Variants in PVT1 observed in about 807,000 individuals in gnomAD.
PVT1 encodes CXCR4/PVT1 fusion.
intron 3 of PVT1, among the ~76,000 whole-genome samples, chr8:127,956,893 A>G (rs1050656814): frequency 7.9e-5 from 12 of 152,018 alleles, no homozygotes; most frequent in African/African-American, 2.7e-4. Context: ...TTATTTTTTC[A>G]TTTTTATTTT....
chr8:127,851,108 A>C (rs1389412910), intron 2 of PVT1, among the ~76,000 whole-genome samples: 4 of 152,232 alleles, frequency 2.6e-5, no homozygotes, highest in African/African-American at 9.6e-5. Flanking sequence ...ATTCAGAACA[A>C]ATCAAAACGA....
intron 2 of PVT1, among the ~76,000 whole-genome samples, chr8:127,803,799 C>A (rs896158075): frequency 2.6e-5 from 4 of 151,234 alleles, no homozygotes; most frequent in African/African-American, 9.7e-5. Context: ...CAGCTCACTG[C>A]AACCTCCGCC....
At position 127,921,854 on chromosome 8, in the gene PVT1, GTTTT is replaced by G. The variant is rs71300279; in HGVS notation, n.782+30877_782+30880del. Reference sequence around the variant, plus strand: ...AAAAAAATTATAATTTTTGGTTCATGTTTTTTTTTTTTTTTTTTTTTTTTGAGGC... The same window carrying G: ...AAAAAAATTATAATTTTTGGTTCATGTTTTTTTTTTTTTTTTTTTTGAGGC... On this transcript the variant is annotated intron_variant and non_coding_transcript_variant, in intron 3 of 10. Coordinates refer to ENST00000651587, the Ensembl canonical transcript of PVT1. Among the ~76,000 whole-genome samples the G allele has an allele frequency of 1.6e-3, 115 of 71,922 alleles. 1 individual carries two copies. Among genetic ancestry groups the G allele is most frequent in the South Asian group, 2.2e-3 (3 of 1,376 alleles). 47.2% of individuals were successfully genotyped at this position (71,922 alleles called of 152,430 possible). A position where few individuals can be genotyped will look rare whatever the true frequency, so the allele number is the denominator to read the frequency against.
chr8:127,848,787 G>T (rs1732582423), intron 2 of PVT1, among the ~76,000 whole-genome samples: 1 of 152,242 alleles, frequency 6.6e-6, no homozygotes, highest in South Asian at 2.1e-4. Context: ...CCAATAAAGG[G>T]CTGTGGGAAC....
intron 2 of PVT1, among the ~76,000 whole-genome samples, chr8:127,865,922 G>C (rs541922461): frequency 1.2e-3 from 189 of 152,324 alleles, no homozygotes; most frequent in African/African-American, 4.4e-3. Context: ...TCATCAGTGA[G>C]TTGGGCCACT....
chr8:127,973,154 C>T (rs931824986), intron 3 of PVT1, among the ~76,000 whole-genome samples: 2 of 152,136 alleles, frequency 1.3e-5, no homozygotes, highest in African/African-American at 4.8e-5. Flanking sequence ...CCTTGACCTC[C>T]CAAAGTGCCA....
In PVT1 at chr8:128,021,290, C is replaced by CTTTTTTTTTTT. The variant is rs11438511; in HGVS notation, n.912+32010_912+32020dup. On this transcript the variant is annotated intron_variant and non_coding_transcript_variant, in intron 4 of 10. Transcript: ENST00000651587. ...CCAGTCCGATTCCCCAGGACTTGTG[C>CTTTTTTTTTTT]TTTTTTTTTTTTTTTTTTTTTGAGA... Among the ~76,000 whole-genome samples, 739 of 81,124 alleles carry CTTTTTTTTTTT rather than the reference C, an allele frequency of 9.1e-3. 74 individuals carry two copies. The highest frequency in any genetic ancestry group is 0.011 in the Non-Finnish European group (493 of 45,192). The allele number at this position is 81,124 out of a possible 152,430, so 53.2% of individuals were successfully genotyped here. A position where few individuals can be genotyped will look rare whatever the true frequency, so the allele number is the denominator to read the frequency against.
At chr8:127,929,562 C>T (rs998588080) in intron 3 of PVT1, among the ~76,000 whole-genome samples, 2 of 152,052 alleles carry the variant, frequency 1.3e-5, no homozygotes, top group African/African-American at 2.4e-5. Flanking sequence ...GTCAGGAGAT[C>T]GAGACCATCC....
At chr8:127,877,471 G>C (rs1373100470) in intron 2 of PVT1, among the ~76,000 whole-genome samples, 1 of 151,558 alleles carries the variant, frequency 6.6e-6, no homozygotes, top group East Asian at 1.9e-4. Context: ...TACCCCGAGG[G>C]TCTCTCTCTC....
intron 2 of PVT1, among the ~76,000 whole-genome samples, chr8:127,798,266 T>C (rs1485328976): frequency 6.6e-6 from 1 of 150,974 alleles, no homozygotes; most frequent in African/African-American, 2.4e-5. Flanking sequence ...ATCGCACCAT[T>C]GTATTCCAGC....
chr8:128,049,268 C>A, intron 4 of PVT1: 2 of 506,274 alleles, frequency 4.0e-6, no homozygotes, highest in Admixed American at 2.2e-5. Context: ...CAGGTCATTT[C>A]GAGATGTTTG....
intron 4 of PVT1, among the ~76,000 whole-genome samples, chr8:128,061,224 G>A (rs1813826941): frequency 6.6e-6 from 1 of 152,114 alleles, no homozygotes; most frequent in African/African-American, 2.4e-5. Context: ...TTCGCCTATT[G>A]TAGACGTTTC....
intron 4 of PVT1, among the ~76,000 whole-genome samples, chr8:128,055,960 A>G (rs1813757474): frequency 6.6e-6 from 1 of 152,210 alleles, no homozygotes; most frequent in Non-Finnish European, 1.5e-5. Context: ...GAGAAACAAT[A>G]TGCATGTACA....
chr8:127,820,796 G>A (rs1471453685), intron 2 of PVT1, among the ~76,000 whole-genome samples: 1 of 151,840 alleles, frequency 6.6e-6, no homozygotes, highest in Non-Finnish European at 1.5e-5. Context: ...TGCAACCTCT[G>A]CCTCCCAGGT....
At chr8:127,857,706 A>T (rs145553001) in intron 2 of PVT1, among the ~76,000 whole-genome samples, 199 of 152,242 alleles carry the variant, frequency 1.3e-3, no homozygotes, top group Middle Eastern at 6.8e-3. Context: ...AAGCAAAAAC[A>T]ATTAGGTACA....
chr8:127,803,017 G>A (rs891300969), intron 2 of PVT1: 1 of 152,968 alleles, frequency 6.5e-6, no homozygotes. Context: ...AAGGTGGCTG[G>A]TGGTGTGGGT....
Position 127,991,258 on chromosome 8 carries a change from T to C in PVT1, n.912+1967T>C, listed in dbSNP as rs529084874. ...CCCGGGTTCACGCCATTCTCCTGCC[T>C]CAGCCTCTTGAGTAGCTGGGACTAC... On this transcript the variant is annotated intron_variant and non_coding_transcript_variant, in intron 4 of 10. Coordinates refer to ENST00000651587, the Ensembl canonical transcript of PVT1. Among the ~76,000 whole-genome samples, 551 of 150,104 alleles carry C rather than the reference T, an allele frequency of 3.7e-3. 6 individuals are homozygous for C. The highest frequency in any genetic ancestry group is 0.012 in the African/African-American group (511 of 40,942).
chr8:127,889,017 C>T lies in PVT1; in HGVS notation n.373-1572C>T, dbSNP rs913490736. Among the ~76,000 whole-genome samples the T allele has an allele frequency of 4.0e-5, 6 of 149,892 alleles. No homozygotes were observed. The South Asian group carries it at 1.1e-3, about 26-fold the overall frequency. ...CTGCCAGTCCGCCTTGTTTCAAACC[C>T]CTTTTCCTTTCTCTCTTTCTTTCTT... On this transcript the variant is annotated intron_variant and non_coding_transcript_variant, in intron 2 of 10. Transcript: ENST00000651587.
At chr8:127,929,086 T>C (rs908669567) in intron 3 of PVT1, among the ~76,000 whole-genome samples, 1 of 152,096 alleles carries the variant, frequency 6.6e-6, no homozygotes, top group Non-Finnish European at 1.5e-5. Context: ...ATATGTATTG[T>C]ACTTTGGGAC....
Sources: allele counts gnomAD v4.1 joint callset (sites outside exome capture counted in the v4.1 genomes callset), GRCh38; gene constraint gnomAD v4.1.1; transcripts MANE v1.5; gene names NCBI Gene and HGNC (gene_info 2026-07-23, HGNC 2026-07-21).